The following PCDHA2 variants were observed in gnomAD, a reference collection of about 807,000 sequenced individuals.
PCDHA2 encodes the protein protocadherin alpha-2.
A neutral mutation model predicts 66.0 loss-of-function variants in PCDHA2; 58 were observed. That is an observed-to-expected ratio of 0.88 (90% CI 0.71 to 1.09). The LOEUF is 1.09. Among genes scored for constraint, PCDHA2 ranks in the 50% least tolerant of loss-of-function variants. The probability of loss-of-function intolerance (pLI) is 0.00; values close to 1 mark genes in which losing one functional copy is unlikely to be tolerated. For synonymous variants in PCDHA2, 634 were observed against 554.0 expected (o/e 1.14, Z -2.03); for missense variants, 1,267 against 1,242.3 (o/e 1.02, Z -0.30).
chr5:140,894,675 A>G lies in PCDHA2; in HGVS notation c.2389-84274A>G, dbSNP rs78197412. Reference sequence around the variant, plus strand: ...CTAATTCTGATTTGTGTATTCTTGCATAGCTTTTCATTATTTTCTAAAAAT... The same window carrying G: ...CTAATTCTGATTTGTGTATTCTTGCGTAGCTTTTCATTATTTTCTAAAAAT... On this transcript the variant is annotated intron_variant, in intron 1 of 3. Coordinates refer to ENST00000526136, the MANE Select transcript of PCDHA2 (RefSeq NM_018905.3). 4.6e-3 allele frequency among the ~76,000 whole-genome samples: 702 copies of G among 151,998 alleles called. 3 individuals carry two copies. The highest frequency in any genetic ancestry group is 0.016 in the African/African-American group (679 of 41,480).
chr5:140,812,504 C>T (rs2126639507), intron 1 of PCDHA2: 5 of 152,056 alleles, frequency 3.3e-5, no homozygotes, highest in Admixed American at 2.0e-4. Context: ...GTATTTCCTC[C>T]CTTTGCTTTG....
At position 140,794,874 on chromosome 5, in the gene PCDHA2, A is replaced by T. The variant is rs1761889938; in HGVS notation, c.-91A>T. On this transcript the variant is annotated 5_prime_UTR_variant, in exon 1 of 4. It adds an upstream start codon to the 5' untranslated region. Transcript: ENST00000526136. ...GTTACTTCAGAGAAGCGGAGGAATA[A>T]GAGAAGCAGCAGGACTTTAACAGAG... 7.3e-7 allele frequency: 1 copy of T among 1,365,774 alleles called. No individual in the cohort carries two copies. The highest frequency in any genetic ancestry group is 1.0e-6 in the Non-Finnish European group (1 of 998,502). 84.6% of individuals were successfully genotyped at this position (1,365,774 alleles called of 1,614,324 possible).
At chr5:140,803,178 GC>G in intron 1 of PCDHA2, 1 of 1,613,858 alleles carries the variant, frequency 6.2e-7, no homozygotes, top group Non-Finnish European at 8.5e-7. Flanking sequence ...CTCATTGACC[GC>G]CACGGCCACT....
intron 1 of PCDHA2, chr5:140,810,660 TTTTTC>T (rs1231337141): frequency 6.7e-5 from 9 of 133,380 alleles, no homozygotes; most frequent in African/African-American, 9.1e-5. Context: ...TAGTCTGTTG[TTTTTC>T]TTTTCTTTTT....
At position 140,877,077 on chromosome 5, in the gene PCDHA2, G is replaced by A. The variant is rs373726752; in HGVS notation, c.2388+79725G>A. The A allele has an allele frequency of 1.1e-4, 183 of 1,613,104 alleles. 1 individual carries two copies. The highest frequency in any genetic ancestry group is 1.5e-4 in the Non-Finnish European group (175 of 1,179,844). On this transcript the variant is annotated intron_variant, in intron 1 of 3. Coordinates refer to ENST00000526136, the MANE Select transcript of PCDHA2 (RefSeq NM_018905.3). ...AGCTGGAGCTGCTGCAGTTCCAGGT[G>A]AGCGCGCGCGACGCCGGCGTGCCGC...
In PCDHA2 at chr5:140,822,812, C is replaced by T. The variant is rs2150119563; in HGVS notation, c.2388+25460C>T. 1.3e-5 allele frequency: 21 copies of T among 1,613,956 alleles called. No homozygotes were observed. The East Asian group carries it at 2.5e-4, about 19-fold the overall frequency. On this transcript the variant is annotated intron_variant, in intron 1 of 3. Coordinates refer to ENST00000526136, the MANE Select transcript of PCDHA2 (RefSeq NM_018905.3). ...AAACTCCTGGATGTGAATGATAATACCCCAGAGATGGCCATAACCACCCTT... is the reference window on the plus strand; with the variant it reads ...AAACTCCTGGATGTGAATGATAATATCCCAGAGATGGCCATAACCACCCTT...
At chr5:140,888,593 A>C (rs1165427237) in intron 1 of PCDHA2, among the ~76,000 whole-genome samples, 1 of 152,256 alleles carries the variant, frequency 6.6e-6, no homozygotes, top group Admixed American at 6.5e-5. Context: ...GTACACATTC[A>C]GAGCAGCTTT....
intron 1 of PCDHA2, among the ~76,000 whole-genome samples, chr5:140,958,932 C>T (rs2095452700): frequency 8.5e-6 from 1 of 118,160 alleles, no homozygotes; most frequent in South Asian, 2.5e-4. Flanking sequence ...GTGGCTCATA[C>T]TTGTAATAAT....
intron 1 of PCDHA2, chr5:140,843,413 G>C: frequency 1.3e-6 from 2 of 1,596,100 alleles, no homozygotes; most frequent in South Asian, 1.1e-5. Context: ...GGATGTCAAC[G>C]TGTACCTGAT....
Position 140,795,182 on chromosome 5 carries a change from A to G in PCDHA2, c.218A>G (p.Asp73Gly), listed in dbSNP as rs1554119295. 2 of 1,613,862 alleles carry G rather than the reference A, an allele frequency of 1.2e-6. No individual in the cohort carries two copies. Among genetic ancestry groups the G allele is most frequent in the African/African-American group, 2.7e-5 (2 of 74,916 alleles). The change falls in exon 1 of 4, where the codon GAC (aspartate) becomes GGC (glycine). Residue 73 changes from aspartate to glycine, a missense_variant. Physicochemically the swap from Asp to Gly is moderately conservative, Grantham distance 94. Coordinates refer to ENST00000526136, the MANE Select transcript of PCDHA2 (RefSeq NM_018905.3). ...CGGGTGGCGTCCAAAAGACACGGGG[A>G]CCTTCTGGAGGTAAATCTGCAGAAT... Reference protein sequence around the residue: ...LFRVASKRHGDLLEVNLQNGI... With the variant: ...LFRVASKRHGGLLEVNLQNGI...
chr5:140,951,603 T>G (rs1056623799), intron 1 of PCDHA2, among the ~76,000 whole-genome samples: 2 of 152,094 alleles, frequency 1.3e-5, no homozygotes, highest in African/African-American at 4.8e-5. Flanking sequence ...CTCACTGTTA[T>G]GAGAATAGCA....
intron 1 of PCDHA2, chr5:140,876,601 C>G: frequency 6.2e-7 from 1 of 1,614,152 alleles, no homozygotes; most frequent in Non-Finnish European, 8.5e-7. Context: ...CGTGTCGGAT[C>G]GTGACTCTGG....
chr5:140,834,202 A>G, intron 1 of PCDHA2: 6 of 612,742 alleles, frequency 9.8e-6, no homozygotes, highest in Non-Finnish European at 1.7e-5. Flanking sequence ...CTTTACCGCA[A>G]ATTCTTTCGT....
chr5:140,882,897 T>A, intron 1 of PCDHA2: 1 of 1,614,220 alleles, frequency 6.2e-7, no homozygotes, highest in South Asian at 1.1e-5. Context: ...GAACATAGTT[T>A]ATTACTGACA....
intron 1 of PCDHA2, chr5:140,801,945 A>G (rs1189907348): frequency 6.2e-7 from 1 of 1,614,230 alleles, no homozygotes; most frequent in Non-Finnish European, 8.5e-7. Flanking sequence ...CTATAAAGTC[A>G]GATTACTCGA....
At chr5:140,822,156 C>T (rs1767212129) in intron 1 of PCDHA2, 1 of 1,614,134 alleles carries the variant, frequency 6.2e-7, no homozygotes, top group African/African-American at 1.3e-5. Context: ...ACATCAATGA[C>T]AATCCGCCCA....
rs141944056 is a variant in PCDHA2, at chr5:140,857,401, G to A, written c.2388+60049G>A. ...AGGTGGCCGACGTGAACGACAACGCGCCTGCGTTCGCGCAGTCCGAGTACA... is the reference window on the plus strand; with the variant it reads ...AGGTGGCCGACGTGAACGACAACGCACCTGCGTTCGCGCAGTCCGAGTACA... On this transcript the variant is annotated intron_variant, in intron 1 of 3. Transcript: ENST00000526136. The A allele has an allele frequency of 3.2e-3, 5,155 of 1,598,156 alleles. 411 individuals are homozygous for A. The African/African-American group carries it at 0.057, about 18-fold the overall frequency.
At chr5:140,966,751 G>A (rs1554228608) in intron 1 of PCDHA2, 1 of 1,429,674 alleles carries the variant, frequency 7.0e-7, no homozygotes, top group Admixed American at 2.7e-5. Flanking sequence ...GGCTGCCTCC[G>A]CCGCGGCCAG....
In PCDHA2 at chr5:140,944,181, G is replaced by A. The variant is rs112665762; in HGVS notation, c.2389-34768G>A. 4.3e-3 allele frequency among the ~76,000 whole-genome samples: 661 copies of A among 151,992 alleles called. 7 individuals are homozygous for A. Among genetic ancestry groups the A allele is most frequent in the African/African-American group, 0.015 (616 of 41,488 alleles). On this transcript the variant is annotated intron_variant, in intron 1 of 3. Coordinates refer to ENST00000526136, the MANE Select transcript of PCDHA2 (RefSeq NM_018905.3). ...AAAGGGCCAAGGCTGGTTTTTTGTTGGTTTGTTTTGTTTTGTTTTGTTTTT... is the reference window on the plus strand; with the variant it reads ...AAAGGGCCAAGGCTGGTTTTTTGTTAGTTTGTTTTGTTTTGTTTTGTTTTT...
Sources: allele counts gnomAD v4.1 joint callset (sites outside exome capture counted in the v4.1 genomes callset), GRCh38; gene constraint gnomAD v4.1.1; transcripts MANE v1.5; gene names NCBI Gene and HGNC (gene_info 2026-07-23, HGNC 2026-07-21).